KCNN2: variants seen among roughly 807,000 people sequenced by gnomAD.
KCNN2 encodes small conductance calcium-activated potassium channel protein 2.
A neutral mutation model predicts 55.5 loss-of-function variants in KCNN2; 24 were observed. The observed-to-expected ratio is 0.43, with a 90% CI of 0.31 to 0.61. The LOEUF is 0.61. KCNN2 is among the 20% of genes least tolerant of loss of function. KCNN2 has a pLI of 0.08. For synonymous variants in KCNN2, 431 were observed against 336.1 expected, an observed-to-expected ratio of 1.28 and a Z score of -3.09; for missense variants, 754 against 853.6, an observed-to-expected ratio of 0.88 and a Z score of 1.45.
At chr5:114,168,323 A>C (rs1476336256) in intron 1 of KCNN2, among the ~76,000 whole-genome samples, 1 of 152,022 alleles carries the variant, frequency 6.6e-6, no homozygotes, top group Non-Finnish European at 1.5e-5. Flanking sequence ...TAATAAGACA[A>C]GTTCCCTGTC....
chr5:114,118,034 C>T (rs1016203554), intron 1 of KCNN2, among the ~76,000 whole-genome samples: 1 of 152,154 alleles, frequency 6.6e-6, no homozygotes, highest in African/African-American at 2.4e-5. Flanking sequence ...AAAGGCTGGC[C>T]TTGCCATCAC....
At chr5:114,188,502 C>G (rs374957077) in intron 1 of KCNN2, among the ~76,000 whole-genome samples, 2 of 151,934 alleles carry the variant, frequency 1.3e-5, no homozygotes, top group Non-Finnish European at 2.9e-5. Context: ...TATGAAAATA[C>G]GTAAGATATT....
intron 2 of KCNN2, among the ~76,000 whole-genome samples, chr5:114,236,158 T>G (rs1018443930): frequency 1.3e-5 from 2 of 152,190 alleles, no homozygotes; most frequent in Non-Finnish European, 2.9e-5. Context: ...TATTCTTAAA[T>G]TAGGCATCAT....
chr5:114,355,251 A>G (rs1425492638), intron 2 of KCNN2, among the ~76,000 whole-genome samples: 2 of 152,178 alleles, frequency 1.3e-5, no homozygotes, highest in Non-Finnish European at 2.9e-5. Context: ...CAAACATAGT[A>G]ATAGGGAGTT....
intron 1 of KCNN2, among the ~76,000 whole-genome samples, chr5:114,182,881 G>C (rs1330595612): frequency 1.3e-5 from 2 of 151,890 alleles, no homozygotes; most frequent in South Asian, 4.2e-4. Context: ...TATTGCAATG[G>C]CTACAATTTC....
intron 1 of KCNN2, among the ~76,000 whole-genome samples, chr5:114,098,043 G>C (rs796594784): frequency 1.3e-5 from 2 of 152,224 alleles, no homozygotes; most frequent in African/African-American, 4.8e-5. Flanking sequence ...GGAGGCTCTA[G>C]GGGATAATCC....
chr5:114,307,917 G>C (rs1351689378), intron 2 of KCNN2, among the ~76,000 whole-genome samples: 3 of 151,918 alleles, frequency 2.0e-5, no homozygotes, highest in East Asian at 1.9e-4. Flanking sequence ...TTCCTATTCA[G>C]CTTGATTCCT....
At chr5:114,228,382 CTA>C (rs1157134941) in intron 2 of KCNN2, among the ~76,000 whole-genome samples, 1 of 151,966 alleles carries the variant, frequency 6.6e-6, no homozygotes, top group Non-Finnish European at 1.5e-5. Flanking sequence ...TAAAAGGAAA[CTA>C]AGTTTCACAA....
chr5:114,435,617 C>T lies in KCNN2; in HGVS notation c.1638-27432C>T, dbSNP rs1203440020. On this transcript the variant is annotated intron_variant, in intron 3 of 7. Coordinates refer to ENST00000673685, the MANE Select transcript of KCNN2 (RefSeq NM_021614.4). ...CATCACAGAATTTGCTTTATTTTTACTCTAAAAAAAAAAGATGATTTAGAT... is the reference window on the plus strand; with the variant it reads ...CATCACAGAATTTGCTTTATTTTTATTCTAAAAAAAAAAGATGATTTAGAT... 2.0e-5 allele frequency among the ~76,000 whole-genome samples: 3 copies of T among 150,838 alleles called. No individual in the cohort carries two copies. In the East Asian group the frequency reaches 5.8e-4, roughly 29 times the overall value.
At chr5:114,161,105 G>T (rs1424245828) in intron 1 of KCNN2, among the ~76,000 whole-genome samples, 3 of 152,122 alleles carry the variant, frequency 2.0e-5, no homozygotes, top group African/African-American at 7.2e-5. Flanking sequence ...AGCCTTGATG[G>T]TTTTCACAAT....
chr5:114,218,275 C>G (rs1230144367), intron 1 of KCNN2, among the ~76,000 whole-genome samples: 1 of 152,178 alleles, frequency 6.6e-6, no homozygotes, highest in African/African-American at 2.4e-5. Flanking sequence ...CACACAAAAA[C>G]CTGCACATGG....
intron 1 of KCNN2, among the ~76,000 whole-genome samples, chr5:114,156,142 C>A: frequency 6.6e-6 from 1 of 152,072 alleles, no homozygotes; most frequent in East Asian, 1.9e-4. Context: ...AATAGGGAAT[C>A]TTTTGCCATT....
At chr5:114,438,313 G>A (rs1362266872) in intron 3 of KCNN2, among the ~76,000 whole-genome samples, 1 of 152,146 alleles carries the variant, frequency 6.6e-6, no homozygotes, top group Non-Finnish European at 1.5e-5. Flanking sequence ...CTGCTCTATG[G>A]ACACTAATTC....
chr5:114,455,065 C>T (rs550195286), intron 3 of KCNN2, among the ~76,000 whole-genome samples: 7 of 152,008 alleles, frequency 4.6e-5, no homozygotes, highest in African/African-American at 1.4e-4. Context: ...GAGTTATCAG[C>T]TATTCTTTTT....
intron 1 of KCNN2, among the ~76,000 whole-genome samples, chr5:114,174,992 C>A (rs1227814396): frequency 6.6e-6 from 1 of 152,152 alleles, no homozygotes; most frequent in Admixed American, 6.6e-5. Context: ...TAATTAAAAT[C>A]TTTAGTCCCT....
chr5:114,432,715 G>A (rs1301838630), intron 3 of KCNN2, among the ~76,000 whole-genome samples: 7 of 152,192 alleles, frequency 4.6e-5, no homozygotes, highest in African/African-American at 1.2e-4. Flanking sequence ...GGCTGTGCGC[G>A]GCACTTGTGG....
chr5:114,337,775 C>T (rs768228479), intron 2 of KCNN2, among the ~76,000 whole-genome samples: 81 of 152,012 alleles, frequency 5.3e-4, no homozygotes, highest in Non-Finnish European at 6.5e-4. Flanking sequence ...TGAATTTTAC[C>T]CTGTAGAGCT....
chr5:114,226,831 G>A (rs775753924), intron 2 of KCNN2, among the ~76,000 whole-genome samples: 3 of 149,884 alleles, frequency 2.0e-5, no homozygotes, highest in Non-Finnish European at 4.4e-5. Flanking sequence ...AACCCAGGAG[G>A]TGGAGCTTGC....
chr5:114,370,014 T>G (rs988336397), intron 2 of KCNN2, among the ~76,000 whole-genome samples: 3 of 152,166 alleles, frequency 2.0e-5, no homozygotes, highest in Non-Finnish European at 4.4e-5. Context: ...TTTGTGGGGT[T>G]GTTTTAGAGA....
Sources: allele counts gnomAD v4.1 joint callset (sites outside exome capture counted in the v4.1 genomes callset), GRCh38; gene constraint gnomAD v4.1.1; transcripts MANE v1.5; gene names NCBI Gene and HGNC (gene_info 2026-07-23, HGNC 2026-07-21).